KLF15: variants seen among roughly 807,000 people sequenced by gnomAD.
KLF15 encodes the protein KLF transcription factor 15, also known as Krueppel-like factor 15.
In KLF15, 4 loss-of-function variants were observed where a neutral mutation model predicts 24.6. The observed-to-expected ratio is 0.16, with a 90% CI of 0.08 to 0.37. KLF15 has a LOEUF of 0.37. Among genes scored for constraint, KLF15 ranks in the 10% least tolerant of loss-of-function variants. The pLI, the probability that KLF15 is intolerant of heterozygous loss-of-function variation, is 1.00. For synonymous variants in KLF15, 246 were observed against 236.3 expected (o/e 1.04, Z -0.37); for missense variants, 496 against 560.6 (o/e 0.88, Z 1.16).
chr3:126,333,441 C>T, the KLF15 span, among the ~76,000 whole-genome samples: 3 of 150,032 alleles, frequency 2.0e-5, no homozygotes, highest in Non-Finnish European at 4.4e-5. Flanking sequence ...TGGAAAGGAA[C>T]AACCAGTACC....
chr3:126,288,564 T>TA, the KLF15 span: 1 of 152,480 alleles, frequency 6.6e-6, no homozygotes, highest in East Asian at 1.9e-4. Context: ...CAACGCCCTG[T>TA]ACCAGCGGCC....
intron 1 of KLF15, among the ~76,000 whole-genome samples, chr3:126,355,920 G>C (rs544626841): frequency 6.6e-6 from 1 of 152,204 alleles, no homozygotes; most frequent in Non-Finnish European, 1.5e-5. Context: ...GAGCTGGCTC[G>C]GCCCCTGAAA....
At chr3:126,353,268 C>T (rs1330022869) in intron 1 of KLF15, among the ~76,000 whole-genome samples, 4 of 152,168 alleles carry the variant, frequency 2.6e-5, no homozygotes, top group Admixed American at 6.5e-5. Context: ...GAAGGGCATG[C>T]GCGAGGAGGC....
At chr3:126,314,951 C>T in the KLF15 span, among the ~76,000 whole-genome samples, 1 of 152,164 alleles carries the variant, frequency 6.6e-6, no homozygotes, top group Non-Finnish European at 1.5e-5. Flanking sequence ...CACTAGGGGC[C>T]GCAGATGTCT....
intron 2 of KLF15, 85 bp downstream of exon 2, chr3:126,351,756 G>C (rs1403426386): frequency 7.2e-7 from 1 of 1,383,572 alleles, no homozygotes; most frequent in Non-Finnish European, 9.8e-7. Context: ...TCTGTTAATG[G>C]TGGAAAATGG....
At chr3:126,291,456 G>T in the KLF15 span, among the ~76,000 whole-genome samples, 2 of 152,228 alleles carry the variant, frequency 1.3e-5, no homozygotes, top group African/African-American at 2.4e-5. Flanking sequence ...ACAGAGGAAG[G>T]TTCGCCAGAA....
Position 126,352,073 on chromosome 3 carries a change from C to G in KLF15, c.850G>C (p.Val284Leu), listed in dbSNP as rs1182050972. The G allele has an allele frequency of 1.3e-6, 2 of 1,538,696 alleles. No individual in the cohort carries two copies. Among genetic ancestry groups the G allele is most frequent in the Non-Finnish European group, 1.8e-6 (2 of 1,140,974 alleles). Residue 284 changes from valine (V) to leucine (L), a missense_variant, in exon 2 of 3, where the codon GTG (valine) becomes CTG (leucine). Val to Leu is a conservative substitution (Grantham distance 32). Coordinates refer to ENST00000296233, the MANE Select transcript of KLF15 (RefSeq NM_014079.4). ...CCAACAGGCTTGGCGGCAATGGGCACAGGGGCAATGCGCACAAACTTGGAG... is the reference window on the plus strand; with the variant it reads ...CCAACAGGCTTGGCGGCAATGGGCAGAGGGGCAATGCGCACAAACTTGGAG... ...LPSKFVRIAP[V>L]PIAAKPVGSG...
At chr3:126,290,506 ACCTTCCTTCCTTCCTTCCTT>A in the KLF15 span, among the ~76,000 whole-genome samples, 8 of 144,604 alleles carry the variant, frequency 5.5e-5, no homozygotes. Context: ...CTTCCTTCCT[ACCTTCCTTCCTTCCTTCCTT>A]CCTTCCTTCC....
chr3:126,298,428 T>TTATTATTAC, the KLF15 span, among the ~76,000 whole-genome samples: 4 of 148,400 alleles, frequency 2.7e-5, no homozygotes, highest in African/African-American at 5.2e-5. Context: ...CTGATTATTA[T>TTATTATTAC]TATTATTATT....
chr3:126,338,985 C>T (rs1421167437), downstream of KLF15, among the ~76,000 whole-genome samples: 2 of 152,232 alleles, frequency 1.3e-5, no homozygotes, highest in East Asian at 3.9e-4. Context: ...TGGGGACCGG[C>T]TGCGATCTCT....
At chr3:126,313,344 T>C in the KLF15 span, among the ~76,000 whole-genome samples, 1 of 152,176 alleles carries the variant, frequency 6.6e-6, no homozygotes, top group Non-Finnish European at 1.5e-5. Flanking sequence ...TTTAAGCCAC[T>C]CATATGGGGC....
chr3:126,293,670 A>T, the KLF15 span, among the ~76,000 whole-genome samples: 1 of 152,188 alleles, frequency 6.6e-6, no homozygotes, highest in Admixed American at 6.5e-5. Flanking sequence ...TGGTGGTGCC[A>T]TCTCACCTGC....
At chr3:126,327,460 T>A in the KLF15 span, among the ~76,000 whole-genome samples, 5 of 152,186 alleles carry the variant, frequency 3.3e-5, no homozygotes, top group Non-Finnish European at 7.4e-5. Flanking sequence ...CTGTGGATGA[T>A]TCTGCAGTAG....
the KLF15 span, among the ~76,000 whole-genome samples, chr3:126,332,431 C>T: frequency 8.1e-6 from 1 of 124,144 alleles, no homozygotes; most frequent in African/African-American, 3.2e-5. Context: ...ACATCACCAT[C>T]ATCAAAGACC....
the KLF15 span, among the ~76,000 whole-genome samples, chr3:126,320,423 A>G: frequency 6.6e-6 from 1 of 152,250 alleles, no homozygotes; most frequent in Admixed American, 6.5e-5. Context: ...ATGCCAGTGC[A>G]CCTGCACAAG....
chr3:126,323,436 A>T, the KLF15 span, among the ~76,000 whole-genome samples: 2 of 54,658 alleles, frequency 3.7e-5, no homozygotes, highest in African/African-American at 1.3e-4. Context: ...TATATATATA[A>T]CATATATATG....
chr3:126,349,968 C>T (rs1447904188), intron 2 of KLF15, among the ~76,000 whole-genome samples: 1 of 152,186 alleles, frequency 6.6e-6, no homozygotes, highest in African/African-American at 2.4e-5. Context: ...GATGTACAAA[C>T]AACAAGGAGG....
At chr3:126,299,989 T>G in the KLF15 span, among the ~76,000 whole-genome samples, 5,271 of 152,108 alleles carry the variant, frequency 0.035, 150 homozygotes, top group African/African-American at 0.071. Flanking sequence ...GGCAAACTCA[T>G]ATGGGGTGTA....
the KLF15 span, among the ~76,000 whole-genome samples, chr3:126,295,607 A>G: frequency 3.7e-4 from 56 of 152,246 alleles, no homozygotes; most frequent in East Asian, 0.01. Context: ...CAGAGATGTG[A>G]TCAGCTTCAC....
Sources: gnomAD v4.1 joint callset for allele counts (sites outside exome capture counted in the v4.1 genomes callset) on GRCh38, gnomAD v4.1.1 for gene constraint, MANE v1.5 for transcripts, NCBI Gene and HGNC (gene_info 2026-07-23, HGNC 2026-07-21) for gene names.